The following INO80B variants were observed in gnomAD, a reference collection of about 807,000 sequenced individuals.
INO80B encodes INO80 complex subunit B, also known as IES2 homolog.
In INO80B, 18 loss-of-function variants were observed where a neutral mutation model predicts 31.4. The ratio of observed to expected loss-of-function variants is 0.57; its 90% CI spans 0.40 to 0.85. INO80B has a LOEUF of 0.85. Among genes scored for constraint, INO80B ranks in the 40% least tolerant of loss-of-function variants. INO80B has a pLI of 0.00. For synonymous variants in INO80B, 238 were observed against 199.0 expected (o/e 1.20, Z -1.65); for missense variants, 469 against 475.4 (o/e 0.99, Z 0.13).
chr2:74,457,878 G>A lies in INO80B; in HGVS notation c.*14G>A. On this transcript the variant is annotated 3_prime_UTR_variant, in exon 5 of 5. Coordinates refer to ENST00000233331, the MANE Select transcript of INO80B (RefSeq NM_031288.4). ...TTGGCTACGTAAGGCCCTTAACCCGGACTCTGCGCCCCGTCCCATGCCCGC... is the reference window on the plus strand; with the variant it reads ...TTGGCTACGTAAGGCCCTTAACCCGAACTCTGCGCCCCGTCCCATGCCCGC... 1.3e-6 allele frequency: 2 copies of A among 1,515,328 alleles called. No individual in the cohort carries two copies. The highest frequency in any genetic ancestry group is 1.8e-6 in the Non-Finnish European group (2 of 1,138,720). 93.9% of individuals were successfully genotyped at this position (1,515,328 alleles called of 1,614,324 possible).
intron 4 of INO80B, 73 bp from the exon 5 acceptor site, chr2:74,457,261 C>A (rs964491340): frequency 2.0e-6 from 3 of 1,491,180 alleles, no homozygotes; most frequent in Admixed American, 4.1e-5. Context: ...CTTTCCCCTC[C>A]CCCGATCTGG....
At position 74,455,880 on chromosome 2, in the gene INO80B, A is replaced by G; in HGVS notation, c.314A>G (p.Asp105Gly). 6.2e-7 allele frequency: 1 copy of G among 1,614,004 alleles called. No homozygotes were observed. The highest frequency in any genetic ancestry group is 1.7e-5 in the Admixed American group (1 of 60,022). ...PRSPSPLMVV[D>G]NEEEPMEGVP... ...TCACCCTCTCCCCTTATGGTTGTGG[A>G]TAATGAAGAGGAACCTATGGAAGGA... The change falls in exon 3 of 5, where the codon GAT becomes GGT. Residue 105 changes from aspartate (D) to glycine (G), a missense_variant. Around this residue, in one of 3 missense-constraint regions of INO80B, gnomAD observed 223 missense variants for 253.4 expected, o/e 0.88. Coordinates refer to ENST00000233331, the MANE Select transcript of INO80B (RefSeq NM_031288.4).
In INO80B at chr2:74,457,829, C is replaced by T. The variant is rs774043618; in HGVS notation, c.1036C>T (p.Pro346Ser). Residue 346 changes from proline (P) to serine (S), a missense_variant, in exon 5 of 5, where the codon CCC becomes TCC. By Grantham distance (74) the Pro-to-Ser change is moderately conservative. Coordinates refer to ENST00000233331, the MANE Select transcript of INO80B (RefSeq NM_031288.4). The stretch of plus-strand genomic sequence containing the variant: ...CAACCTGCAGATGCGGCTGGGGGGG[C>T]CCGAGGGTCCTGGATCCCCCCTTTT... ...RINLQMRLGGPEGPGSPLLAT is the reference protein window; with the variant it reads ...RINLQMRLGGSEGPGSPLLAT 3 of 1,579,066 alleles carry T rather than the reference C, an allele frequency of 1.9e-6. No individual in the cohort carries two copies. Among genetic ancestry groups the T allele is most frequent in the Non-Finnish European group, 2.6e-6 (3 of 1,169,856 alleles).
In INO80B at chr2:74,457,679, G is replaced by T. The variant is rs752295553; in HGVS notation, c.886G>T (p.Val296Leu). 1 of 1,599,932 alleles carries T rather than the reference G, an allele frequency of 6.3e-7. No individual in the cohort carries two copies. Among genetic ancestry groups the T allele is most frequent in the Non-Finnish European group, 8.5e-7 (1 of 1,178,890 alleles). The change falls in exon 5 of 5, where the codon GTG (valine) becomes TTG (leucine). Residue 296 changes from valine (V) to leucine (L), a missense_variant. This residue lies in a region of INO80B where 201 missense variants were observed against 151.7 expected (regional missense o/e 1.32). Coordinates refer to ENST00000233331, the MANE Select transcript of INO80B (RefSeq NM_031288.4). ...ACCTGGCGTCCCCGCCCCCACGGCA[G>T]TGTCTCAGCGGCCATCCCCCTCAGG... The part of the protein sequence containing the change: ...FPPGVPAPTA[V>L]SQRPSPSGPP...
Position 74,457,919 on chromosome 2 carries a change from C to A in INO80B, c.*55C>A. The stretch of plus-strand genomic sequence containing the variant: ...CCATGCCCGCTCTTGAGTATCTTCC[C>A]CACCCTATTAAATTACATCCGGTGC... On this transcript the variant is annotated 3_prime_UTR_variant, in exon 5 of 5. Coordinates refer to ENST00000233331, the MANE Select transcript of INO80B (RefSeq NM_031288.4). 1 of 1,450,102 alleles carries A rather than the reference C, an allele frequency of 6.9e-7. No individual in the cohort carries two copies. The highest frequency in any genetic ancestry group is 9.1e-7 in the Non-Finnish European group (1 of 1,093,578). The allele number at this position is 1,450,102 out of a possible 1,614,324, so 89.8% of individuals were successfully genotyped here.
At chr2:74,456,895 T>C (rs1199177657) in intron 4 of INO80B, among the ~76,000 whole-genome samples, 2 of 152,226 alleles carry the variant, frequency 1.3e-5, no homozygotes, top group Non-Finnish European at 2.9e-5. Context: ...ATTATGGCTA[T>C]ATTTTGGAAG....
intron 4 of INO80B, 98 bp from the exon 5 acceptor site, chr2:74,457,236 C>T (rs1671727346): frequency 1.5e-6 from 2 of 1,301,094 alleles, no homozygotes; most frequent in Non-Finnish European, 1.1e-6. Flanking sequence ...CAAGACCCTG[C>T]CTTCCATGTC....
In INO80B at chr2:74,455,112, A is replaced by T; in HGVS notation, c.-5A>T. On this transcript the variant is annotated 5_prime_UTR_variant, in exon 1 of 5. Coordinates refer to ENST00000233331, the MANE Select transcript of INO80B (RefSeq NM_031288.4). ...ATTTCTAGTCCCCTTTCCTCGCAGG[A>T]CCTCATGAGTAAGCTGTGGCGGCGT... The T allele has an allele frequency of 6.2e-7, 1 of 1,614,046 alleles. No homozygotes were observed. The highest frequency in any genetic ancestry group is 8.5e-7 in the Non-Finnish European group (1 of 1,179,986).
In INO80B at chr2:74,457,694, T is replaced by C; in HGVS notation, c.901T>C (p.Ser301Pro). The stretch of plus-strand genomic sequence containing the variant: ...CCCCACGGCAGTGTCTCAGCGGCCA[T>C]CCCCCTCAGGCCCGCCGCCGCGCTG... The part of the protein sequence containing the change: ...PAPTAVSQRP[S>P]PSGPPPRCSV... Residue 301 changes from serine (S) to proline (P), a missense_variant, in exon 5 of 5, where the codon TCC becomes CCC. By Grantham distance (74) the Ser-to-Pro change is moderately conservative. Coordinates refer to ENST00000233331, the MANE Select transcript of INO80B (RefSeq NM_031288.4). 2 of 1,598,492 alleles carry C rather than the reference T, an allele frequency of 1.3e-6. No individual in the cohort carries two copies.
Position 74,456,233 on chromosome 2 carries a change from CAAG to C in INO80B, c.505_507del (p.Lys169del), listed in dbSNP as rs760377227. 2 of 1,614,088 alleles carry C rather than the reference CAAG, an allele frequency of 1.2e-6. No individual in the cohort carries two copies. The highest frequency in any genetic ancestry group is 1.1e-5 in the South Asian group (1 of 91,080). On this transcript the variant is annotated inframe_deletion, in exon 4 of 5. Coordinates refer to ENST00000233331, the MANE Select transcript of INO80B (RefSeq NM_031288.4). The stretch of plus-strand genomic sequence containing the variant: ...GGGAGCTGGATGACAATGGAGACCT[CAAG>C]AAGGAGATCAATGAGCGGCTGCTTA...
Position 74,457,914 on chromosome 2 carries a change from C to G in INO80B, c.*50C>G, listed in dbSNP as rs765504138. ...CCGTCCCATGCCCGCTCTTGAGTAT[C>G]TTCCCCACCCTATTAAATTACATCC... On this transcript the variant is annotated 3_prime_UTR_variant, in exon 5 of 5. Coordinates refer to ENST00000233331, the MANE Select transcript of INO80B (RefSeq NM_031288.4). 1 of 1,452,954 alleles carries G rather than the reference C, an allele frequency of 6.9e-7. No homozygotes were observed. 90.0% of individuals were successfully genotyped at this position (1,452,954 alleles called of 1,614,324 possible).
At position 74,457,511 on chromosome 2, in the gene INO80B, G is replaced by C. The variant is rs1285425923; in HGVS notation, c.718G>C (p.Glu240Gln). 43 of 1,542,568 alleles carry C rather than the reference G, an allele frequency of 2.8e-5. No individual in the cohort carries two copies. Among genetic ancestry groups the C allele is most frequent in the Non-Finnish European group, 3.8e-5 (43 of 1,144,546 alleles). The part of the protein sequence containing the change: ...RAEEHKNQTI[E>Q]RLTKTAATSG... ...AGAAGAGCACAAGAACCAGACTATC[G>C]AGCGCCTCACCAAGACTGCGGCGAC... Residue 240 changes from glutamate (E) to glutamine (Q), a missense_variant, in exon 5 of 5, where the codon GAG (glutamate) becomes CAG (glutamine). Glu to Gln is a conservative substitution (Grantham distance 29, BLOSUM62 2). Coordinates refer to ENST00000233331, the MANE Select transcript of INO80B (RefSeq NM_031288.4).
In INO80B at chr2:74,457,653, C is replaced by T. The variant is rs762909076; in HGVS notation, c.860C>T (p.Pro287Leu). 3.1e-6 allele frequency: 5 copies of T among 1,599,556 alleles called. No individual in the cohort carries two copies. The highest frequency in any genetic ancestry group is 2.7e-5 in the African/African-American group (2 of 74,730). Residue 287 changes from proline to leucine, a missense_variant, in exon 5 of 5, where the codon CCA becomes CTA. Pro to Leu is a moderately conservative substitution (Grantham distance 98). Around this residue, in one of 3 missense-constraint regions of INO80B, gnomAD observed 201 missense variants for 151.7 expected, o/e 1.32. Transcript: ENST00000233331. ...GCACAGGGTTCCACCCTTTCCTTCC[C>T]ACCTGGCGTCCCCGCCCCCACGGCA... ...SGAQGSTLSF[P>L]PGVPAPTAVS...
chr2:74,457,825 G>A lies in INO80B; in HGVS notation c.1032G>A (p.Gly344=), dbSNP rs1469759173. ...GCATCAACCTGCAGATGCGGCTGGGGGGGCCCGAGGGTCCTGGATCCCCCC... is the reference window on the plus strand; with the variant it reads ...GCATCAACCTGCAGATGCGGCTGGGAGGGCCCGAGGGTCCTGGATCCCCCC... ...CYRINLQMRL[G]GPEGPGSPLL... The change falls in exon 5 of 5, where the codon GGG becomes GGA. Residue 344 remains glycine (G), a synonymous_variant. Transcript: ENST00000233331. 5 of 1,581,880 alleles carry A rather than the reference G, an allele frequency of 3.2e-6. No individual in the cohort carries two copies. Among genetic ancestry groups the A allele is most frequent in the South Asian group, 2.2e-5 (2 of 89,050 alleles).
intron 4 of INO80B, among the ~76,000 whole-genome samples, 178 bp downstream of exon 4, chr2:74,456,450 A>G (rs898869831): frequency 6.6e-6 from 1 of 152,264 alleles, no homozygotes; most frequent in Admixed American, 6.5e-5. Context: ...AAATAAGTAA[A>G]TAATTTCAAA....
In INO80B at chr2:74,457,562, G is replaced by T. The variant is rs1671738576; in HGVS notation, c.769G>T (p.Ala257Ser). ...CAGTGGGCGGGGAGGCCGGGGGGGC[G>T]CACGGGGCGAGCGGCGGGGAGGGCG... Reference protein sequence around the residue: ...ATSGRGGRGGARGERRGGRAA... With the variant: ...ATSGRGGRGGSRGERRGGRAA... The change falls in exon 5 of 5, where the codon GCA becomes TCA. Residue 257 changes from alanine to serine, a missense_variant. By Grantham distance (99) the Ala-to-Ser change is moderately conservative. Transcript: ENST00000233331. 1.6e-5 allele frequency: 24 copies of T among 1,515,212 alleles called. No homozygotes were observed. The highest frequency in any genetic ancestry group is 2.1e-5 in the Non-Finnish European group (24 of 1,136,006). 93.9% of individuals were successfully genotyped at this position (1,515,212 alleles called of 1,614,324 possible). A position where few individuals can be genotyped will look rare whatever the true frequency, so the allele number is the denominator to read the frequency against.
Position 74,455,477 on chromosome 2 carries a change from A to T in INO80B, c.130A>T (p.Lys44Ter). Residue 44 changes from lysine to a stop codon, truncating the protein, a stop_gained, in exon 2 of 5, where the codon AAG (lysine) becomes TAG (stop). Transcript: ENST00000233331. LOFTEE classifies it high-confidence loss of function. ...GVHKKKHKKH[K>*]KKHKKKHHQE... Reference sequence around the variant, plus strand: ...GCACAAGAAAAAACACAAGAAGCACAAGAAGAAACACAAGAAGAAACACCA... The same window carrying T: ...GCACAAGAAAAAACACAAGAAGCACTAGAAGAAACACAAGAAGAAACACCA... 1 of 1,614,084 alleles carries T rather than the reference A, an allele frequency of 6.2e-7. No homozygotes were observed. Among genetic ancestry groups the T allele is most frequent in the Non-Finnish European group, 8.5e-7 (1 of 1,179,984 alleles).
chr2:74,455,464 ACACAAGAAG>A lies in INO80B; in HGVS notation c.127_135del (p.His43_Lys45del). The A allele has an allele frequency of 6.2e-7, 1 of 1,614,080 alleles. No individual in the cohort carries two copies. Among genetic ancestry groups the A allele is most frequent in the Non-Finnish European group, 8.5e-7 (1 of 1,180,014 alleles). ...ATGGCCATGGAGTGCACAAGAAAAA[ACACAAGAAG>A]CACAAGAAGAAACACAAGAAGAAAC... On this transcript the variant is annotated inframe_deletion, in exon 2 of 5. Coordinates refer to ENST00000233331, the MANE Select transcript of INO80B (RefSeq NM_031288.4).
intron 4 of INO80B, among the ~76,000 whole-genome samples, chr2:74,456,778 G>A (rs1020805966): frequency 6.6e-6 from 1 of 152,242 alleles, no homozygotes; most frequent in Non-Finnish European, 1.5e-5. Flanking sequence ...GTGGAGACAA[G>A]AGATAGAAGT....
Sources: gnomAD v4.1 joint callset for allele counts (sites outside exome capture counted in the v4.1 genomes callset) on GRCh38, gnomAD v4.1.1 for gene constraint, gnomAD v4.1.1 regional missense constraint, MANE v1.5 for transcripts, NCBI Gene and HGNC (gene_info 2026-07-23, HGNC 2026-07-21) for gene names.